The following MGAT4C variants were observed in gnomAD, a reference collection of about 807,000 sequenced individuals.
MGAT4C encodes the protein MGAT4 family member C, also known as alpha-1,3-mannosyl-glycoprotein 4-beta-N-acetylglucosaminyltransferase C.
Under a neutral mutation model 40.1 loss-of-function variants are expected in MGAT4C, and 19 were observed. The ratio of observed to expected loss-of-function variants is 0.47; its 90% CI spans 0.33 to 0.70. The LOEUF (loss-of-function observed/expected upper bound fraction) is 0.70, where lower values mean the gene tolerates loss of function less well. Ranked by LOEUF, MGAT4C falls within the 30% of genes least tolerant of loss-of-function variation. The pLI is 0.02. For synonymous variants in MGAT4C, 181 were observed against 187.1 expected (o/e 0.97, Z 0.27); for missense variants, 491 against 563.2 (o/e 0.87, Z 1.30).
chr12:86,785,469 A>G (rs1369872803), intron 1 of MGAT4C, among the ~76,000 whole-genome samples: 5 of 152,058 alleles, frequency 3.3e-5, no homozygotes, highest in Non-Finnish European at 7.4e-5. Flanking sequence ...GAAAAGTGAA[A>G]TGCCATGCAG....
intron 1 of MGAT4C, among the ~76,000 whole-genome samples, chr12:86,207,051 T>C (rs148522515): frequency 2.6e-4 from 39 of 151,324 alleles, no homozygotes; most frequent in African/African-American, 9.4e-4. Context: ...TTTACAGTTA[T>C]AGAAAAAAAG....
chr12:86,386,996 A>G (rs1427925487), intron 3 of MGAT4C, among the ~76,000 whole-genome samples: 1 of 152,188 alleles, frequency 6.6e-6, no homozygotes, highest in Admixed American at 6.5e-5. Context: ...AGCAAGTTGC[A>G]TAGTTGGAAT....
intron 3 of MGAT4C, among the ~76,000 whole-genome samples, chr12:86,338,217 C>G (rs550344199): frequency 5.9e-5 from 9 of 152,180 alleles, no homozygotes; most frequent in African/African-American, 2.2e-4. Flanking sequence ...ACTGGGAATG[C>G]TGATTGGTCA....
At chr12:86,354,994 A>G (rs116726641) in intron 3 of MGAT4C, among the ~76,000 whole-genome samples, 2,581 of 152,124 alleles carry the variant, frequency 0.017, 71 homozygotes, top group African/African-American at 0.059. Flanking sequence ...TTATTCCCTT[A>G]TTTGTTCTCG....
At chr12:86,717,937 T>C (rs1373427555) in intron 2 of MGAT4C, among the ~76,000 whole-genome samples, 1 of 152,172 alleles carries the variant, frequency 6.6e-6, no homozygotes, top group East Asian at 1.9e-4. Flanking sequence ...GGTTTCTTTT[T>C]CCCTTACTAT....
intron 2 of MGAT4C, among the ~76,000 whole-genome samples, chr12:86,703,207 G>T (rs1950395157): frequency 6.6e-6 from 1 of 152,164 alleles, no homozygotes; most frequent in South Asian, 2.1e-4. Context: ...GAAACAAACT[G>T]CTGGTAAAGA....
At chr12:86,595,480 G>C (rs960764489) in intron 2 of MGAT4C, among the ~76,000 whole-genome samples, 3 of 150,348 alleles carry the variant, frequency 2.0e-5, no homozygotes, top group African/African-American at 4.9e-5. Context: ...GCAGTGAGCA[G>C]AGATTGTACC....
chr12:86,652,638 C>G (rs1338498808), intron 2 of MGAT4C, among the ~76,000 whole-genome samples: 2 of 151,776 alleles, frequency 1.3e-5, no homozygotes, highest in Non-Finnish European at 2.9e-5. Flanking sequence ...ACTATTGTTG[C>G]TGACAATGAC....
chr12:86,161,662 A>G (rs894027269), intron 1 of MGAT4C, among the ~76,000 whole-genome samples: 3 of 152,302 alleles, frequency 2.0e-5, no homozygotes, highest in African/African-American at 7.2e-5. Flanking sequence ...AGTGGGACCT[A>G]ATTAAACTAA....
chr12:86,011,481 G>T (rs1888457384), intron 2 of MGAT4C, among the ~76,000 whole-genome samples: 1 of 152,156 alleles, frequency 6.6e-6, no homozygotes, highest in Non-Finnish European at 1.5e-5. Context: ...GATTAAGAAA[G>T]AATATTTTCT....
At chr12:86,423,785 G>A (rs369059728) in intron 3 of MGAT4C, among the ~76,000 whole-genome samples, 72 of 152,228 alleles carry the variant, frequency 4.7e-4, no homozygotes, top group African/African-American at 1.5e-3. Flanking sequence ...AACTATTAGC[G>A]TGATTCCTCA....
chr12:86,494,711 G>T (rs1958207530), intron 2 of MGAT4C, among the ~76,000 whole-genome samples: 1 of 151,518 alleles, frequency 6.6e-6, no homozygotes, highest in South Asian at 2.1e-4. Context: ...TAAAATTTTA[G>T]TTTCAGAAAA....
chr12:86,032,349 A>G (rs1009058985), intron 2 of MGAT4C, among the ~76,000 whole-genome samples: 10 of 131,542 alleles, frequency 7.6e-5, no homozygotes, highest in Non-Finnish European at 1.8e-4. Flanking sequence ...ACTGCTTTCC[A>G]CAGTGGCTGA....
chr12:86,241,891 T>TCCTGAGCCTTG lies in MGAT4C; in HGVS notation c.-57+14337_-57+14347dup, dbSNP rs776179816. Among the ~76,000 whole-genome samples the TCCTGAGCCTTG allele has an allele frequency of 5.3e-5, 8 of 152,256 alleles. No homozygotes were observed. The South Asian group carries it at 1.7e-3, about 32-fold the overall frequency. On this transcript the variant is annotated intron_variant, in intron 1 of 4. Transcript: ENST00000611864. ...CTGACTTGGCCCAATAAGCCACTCT[T>TCCTGAGCCTTG]CCTGAGCCTTGCCTGAGCCTGCTTT... is the stretch of plus-strand genomic sequence containing the variant.
intron 2 of MGAT4C, among the ~76,000 whole-genome samples, chr12:86,666,297 T>C (rs777291084): frequency 1.1e-4 from 16 of 152,186 alleles, no homozygotes; most frequent in Non-Finnish European, 2.4e-4. Context: ...AAGATCACCA[T>C]TGTCATTTAA....
chr12:86,249,728 G>A (rs922785294), intron 1 of MGAT4C, among the ~76,000 whole-genome samples: 6 of 152,106 alleles, frequency 3.9e-5, no homozygotes, highest in African/African-American at 1.4e-4. Flanking sequence ...AACACACTGT[G>A]CTTTCTCTTC....
At chr12:86,024,459 G>C (rs559036674) in intron 2 of MGAT4C, among the ~76,000 whole-genome samples, 1 of 151,800 alleles carries the variant, frequency 6.6e-6, no homozygotes, top group Admixed American at 6.6e-5. Context: ...AAGCCTAACA[G>C]GGTTTTGTTT....
At chr12:86,784,714 G>T (rs1951901514) in intron 1 of MGAT4C, among the ~76,000 whole-genome samples, 1 of 151,462 alleles carries the variant, frequency 6.6e-6, no homozygotes. Flanking sequence ...GAGTAGCCCT[G>T]AAGGAAGCAA....
At chr12:86,241,468 G>A (rs534212963) in intron 1 of MGAT4C, among the ~76,000 whole-genome samples, 2 of 151,832 alleles carry the variant, frequency 1.3e-5, no homozygotes, top group Non-Finnish European at 2.9e-5. Flanking sequence ...TATTATTACG[G>A]GCTCATAAAT....
Sources: gnomAD v4.1 joint callset for allele counts (sites outside exome capture counted in the v4.1 genomes callset) on GRCh38, gnomAD v4.1.1 for gene constraint, MANE v1.5 for transcripts, NCBI Gene and HGNC (gene_info 2026-07-23, HGNC 2026-07-21) for gene names.